PTPRN2: variants seen among roughly 807,000 people sequenced by gnomAD.
PTPRN2 encodes the protein protein tyrosine phosphatase receptor type N2, also known as receptor-type tyrosine-protein phosphatase N2.
In PTPRN2, 74 loss-of-function variants were observed where a neutral mutation model predicts 118.8. The ratio of observed to expected loss-of-function variants is 0.62; its 90% CI spans 0.52 to 0.76. PTPRN2 has a LOEUF of 0.76. Ranked by LOEUF, PTPRN2 falls within the 30% of genes least tolerant of loss-of-function variation. The pLI is 0.00. For synonymous variants in PTPRN2, 641 were observed against 608.0 expected, an observed-to-expected ratio of 1.05 and a Z score of -0.80; for missense variants, 1,481 against 1,394.4, an observed-to-expected ratio of 1.06 and a Z score of -0.99.
At chr7:157,828,445 A>G (rs560442171) in intron 12 of PTPRN2, among the ~76,000 whole-genome samples, 1 of 152,178 alleles carries the variant, frequency 6.6e-6, no homozygotes, top group Non-Finnish European at 1.5e-5. Flanking sequence ...CCTCGGGACC[A>G]CTTCCCTGCC....
chr7:157,814,595 C>T (rs1806275414), intron 12 of PTPRN2, among the ~76,000 whole-genome samples: 1 of 148,722 alleles, frequency 6.7e-6, no homozygotes. Context: ...CAGGAGGGGG[C>T]AGGGAGCCAC....
intron 3 of PTPRN2, among the ~76,000 whole-genome samples, chr7:158,225,271 G>A (rs1446465682): frequency 6.6e-6 from 1 of 152,112 alleles, no homozygotes; most frequent in Non-Finnish European, 1.5e-5. Flanking sequence ...ACAAAATCTT[G>A]TGTATGAATG....
At chr7:157,979,875 C>T (rs1181043847) in intron 11 of PTPRN2, among the ~76,000 whole-genome samples, 1 of 152,218 alleles carries the variant, frequency 6.6e-6, no homozygotes, top group African/African-American at 2.4e-5. Flanking sequence ...ACCATACCCT[C>T]ATGTGAGTCC....
chr7:158,253,326 C>T (rs1294419479), intron 3 of PTPRN2, among the ~76,000 whole-genome samples: 6 of 151,696 alleles, frequency 4.0e-5, no homozygotes, highest in Non-Finnish European at 5.9e-5. Context: ...GGGGCCAGCA[C>T]AGCGGGCGGG....
intron 2 of PTPRN2, among the ~76,000 whole-genome samples, chr7:158,463,799 TAATA>T (rs1164647307): frequency 6.8e-6 from 1 of 146,930 alleles, no homozygotes; most frequent in African/African-American, 2.5e-5. Flanking sequence ...CCATGCCATT[TAATA>T]AATAATCCTT....
In PTPRN2 at chr7:158,512,177, T is replaced by C. The variant is rs1472631505; in HGVS notation, c.113-22392A>G. On this transcript the variant is annotated intron_variant, in intron 1 of 22. Transcript: ENST00000389418. ...GCAGGAGAAAAAGTGCTGACCTACA[T>C]AGCTCTGGAAACGAGCAGAGCCTGT... is the stretch of plus-strand genomic sequence containing the variant. Among the ~76,000 whole-genome samples the C allele has an allele frequency of 1.3e-5, 2 of 152,176 alleles. 1 individual carries two copies.
chr7:158,417,985 G>C (rs1478419640), intron 2 of PTPRN2, among the ~76,000 whole-genome samples: 1 of 151,190 alleles, frequency 6.6e-6, no homozygotes, highest in Non-Finnish European at 1.5e-5. Flanking sequence ...GTGTCCCACT[G>C]TGTTAAGTCA....
At chr7:158,407,104 C>CCCTGGGT (rs1423322991) in intron 2 of PTPRN2, among the ~76,000 whole-genome samples, 1 of 150,886 alleles carries the variant, frequency 6.6e-6, no homozygotes, top group Non-Finnish European at 1.5e-5. Context: ...ACAAGCCCAG[C>CCCTGGGT]CCTGGGTCCT....
chr7:158,472,844 G>A (rs1266580521), intron 2 of PTPRN2, among the ~76,000 whole-genome samples: 1 of 152,172 alleles, frequency 6.6e-6, no homozygotes, highest in Non-Finnish European at 1.5e-5. Context: ...GTGACACTGC[G>A]TCAGTAACTG....
At chr7:157,992,832 G>T (rs940675114) in intron 11 of PTPRN2, among the ~76,000 whole-genome samples, 2 of 152,250 alleles carry the variant, frequency 1.3e-5, no homozygotes, top group Non-Finnish European at 2.9e-5. Context: ...GCGATGGGAA[G>T]ACCTTTTGGC....
At chr7:158,051,705 ATTT>A in intron 11 of PTPRN2, among the ~76,000 whole-genome samples, 1 of 152,160 alleles carries the variant, frequency 6.6e-6, no homozygotes, top group African/African-American at 2.4e-5. Context: ...TGTTCACTTC[ATTT>A]TTTTTAGATG....
Position 158,058,365 on chromosome 7 carries a change from C to T in PTPRN2, c.1723+22933G>A, listed in dbSNP as rs867639049. Among the ~76,000 whole-genome samples, 50 of 80,652 alleles carry T rather than the reference C, an allele frequency of 6.2e-4. 1 individual carries two copies. The highest frequency in any genetic ancestry group is 2.1e-3 in the South Asian group (4 of 1,892). 52.9% of individuals were successfully genotyped at this position (80,652 alleles called of 152,430 possible). On this transcript the variant is annotated intron_variant, in intron 11 of 22. Coordinates refer to ENST00000389418, the MANE Select transcript of PTPRN2 (RefSeq NM_002847.5). ...GCCACGCTCCATCTGCCCACGGTGA[C>T]ACATCACTGCAGCCACACTCCATCT... is the stretch of plus-strand genomic sequence containing the variant.
In PTPRN2 at chr7:158,180,629, G is replaced by C. The variant is rs1044669318; in HGVS notation, c.549+11698C>G. ...CTACAGTGTATTTCAGCAGTGTCTT[G>C]TAGTTCTCTGTATAGAGATCTTTCA... On this transcript the variant is annotated intron_variant, in intron 5 of 22. Transcript: ENST00000389418. Among the ~76,000 whole-genome samples, 33 of 152,142 alleles carry C rather than the reference G, an allele frequency of 2.2e-4. 2 individuals carry two copies. Among genetic ancestry groups the C allele is most frequent in the African/African-American group, 2.4e-5 (1 of 41,422 alleles).
chr7:158,357,748 A>T (rs1021692557), intron 2 of PTPRN2, among the ~76,000 whole-genome samples: 1 of 152,206 alleles, frequency 6.6e-6, no homozygotes, highest in African/African-American at 2.4e-5. Context: ...CCGGGGAGAA[A>T]GAAGGGCCTG....
intron 11 of PTPRN2, among the ~76,000 whole-genome samples, chr7:157,933,279 G>A (rs35256901): frequency 7.0e-5 from 10 of 142,472 alleles, no homozygotes; most frequent in South Asian, 2.2e-4. Context: ...TTTTAGAGGA[G>A]GGGTGAGTCA....
chr7:157,745,450 T>TGCGGGAGGCAGG (rs767927120), intron 12 of PTPRN2, among the ~76,000 whole-genome samples: 2 of 151,374 alleles, frequency 1.3e-5, no homozygotes, highest in African/African-American at 4.9e-5. Context: ...GAGGACAGGC[T>TGCGGGAGGCAGG]GTGGGAGGCA....
chr7:157,755,863 C>T (rs968466906), intron 12 of PTPRN2, among the ~76,000 whole-genome samples: 8 of 152,164 alleles, frequency 5.3e-5, no homozygotes, highest in Admixed American at 2.6e-4. Context: ...AACCTGCACA[C>T]GTACCCCCGA....
At chr7:158,286,035 C>A (rs565747814) in intron 3 of PTPRN2, among the ~76,000 whole-genome samples, 1 of 152,208 alleles carries the variant, frequency 6.6e-6, no homozygotes, top group Non-Finnish European at 1.5e-5. Context: ...CAACAGCCAT[C>A]GGGAAACATG....
At chr7:158,081,096 C>T (rs115227325) in intron 11 of PTPRN2, among the ~76,000 whole-genome samples, 3,358 of 152,304 alleles carry the variant, frequency 0.022, 120 homozygotes, top group African/African-American at 0.077. Context: ...ATGGTGCCCA[C>T]GGACAGCCAC....
Sources: gnomAD v4.1 joint callset for allele counts (sites outside exome capture counted in the v4.1 genomes callset) on GRCh38, gnomAD v4.1.1 for gene constraint, MANE v1.5 for transcripts, NCBI Gene and HGNC (gene_info 2026-07-23, HGNC 2026-07-21) for gene names.